ZNF700: variants seen among roughly 807,000 people sequenced by gnomAD.
ZNF700 encodes the protein zinc finger protein 700.
Under a neutral mutation model 65.3 loss-of-function variants are expected in ZNF700, and 38 were observed. That is an observed-to-expected ratio of 0.58 (90% CI 0.45 to 0.76). The LOEUF (loss-of-function observed/expected upper bound fraction) is 0.76, where lower values mean the gene tolerates loss of function less well. Ranked by LOEUF, ZNF700 falls within the 30% of genes least tolerant of loss-of-function variation. The pLI, the probability that ZNF700 is intolerant of heterozygous loss-of-function variation, is 0.00. For synonymous variants in ZNF700, 285 were observed against 290.4 expected, an observed-to-expected ratio of 0.98 and a Z score of 0.19; for missense variants, 857 against 888.4, an observed-to-expected ratio of 0.96 and a Z score of 0.45.
In ZNF700 at chr19:11,947,907, C is replaced by T. The variant is rs114887801; in HGVS notation, c.251+333C>T. ...TCGGTAGTCCCAGCTACTCAGGAGG[C>T]GAAGGCAGGAGGATCACTCGAGACT... On this transcript the variant is annotated intron_variant, in intron 3 of 3. Transcript: ENST00000254321. Among the ~76,000 whole-genome samples the T allele has an allele frequency of 3.1e-3, 477 of 152,090 alleles. 2 individuals carry two copies. The highest frequency in any genetic ancestry group is 0.011 in the African/African-American group (451 of 41,460).
At position 11,948,691 on chromosome 19, in the gene ZNF700, A is replaced by C; in HGVS notation, c.667A>C (p.Lys223Gln). ...AATGCACAGTGGGGATGGAACTTAT[A>C]AATGTAAATTTTGTGGGAAAGCCTT... ...MVMHSGDGTY[K>Q]CKFCGKAFHS... The change falls in exon 4 of 4, where the codon AAA (lysine) becomes CAA (glutamine). Residue 223 changes from lysine (K) to glutamine (Q), a missense_variant. Physicochemically the swap from Lys to Gln is moderately conservative, Grantham distance 53. Coordinates refer to ENST00000254321, the MANE Select transcript of ZNF700 (RefSeq NM_144566.3). The C allele has an allele frequency of 6.2e-7, 1 of 1,612,238 alleles. No individual in the cohort carries two copies. Among genetic ancestry groups the C allele is most frequent in the Non-Finnish European group, 8.5e-7 (1 of 1,179,626 alleles).
intron 1 of ZNF700, 178 bp from the exon 2 acceptor site, chr19:11,947,003 T>A (rs1972969983): frequency 1.8e-6 from 2 of 1,134,556 alleles, no homozygotes; most frequent in South Asian, 4.2e-5. Flanking sequence ...AATAAATAAA[T>A]AAATAAATTG....
chr19:11,928,683 G>A (rs1972670188), intron 1 of ZNF700, among the ~76,000 whole-genome samples: 1 of 138,104 alleles, frequency 7.2e-6, no homozygotes, highest in Non-Finnish European at 1.5e-5. Flanking sequence ...AGTGAGCCGA[G>A]ATCCCGCCAC....
intron 1 of ZNF700, among the ~76,000 whole-genome samples, chr19:11,940,669 G>A (rs2145290056): frequency 6.6e-6 from 1 of 152,222 alleles, no homozygotes; most frequent in African/African-American, 2.4e-5. Context: ...GTGTGGAAGG[G>A]GACCCGAGTG....
At chr19:11,941,373 C>T (rs992391543) in intron 1 of ZNF700, among the ~76,000 whole-genome samples, 15 of 152,308 alleles carry the variant, frequency 9.8e-5, no homozygotes, top group Admixed American at 2.0e-4. Flanking sequence ...AGGCTCGGGC[C>T]GCACAGGAGC....
intron 1 of ZNF700, 65 bp downstream of exon 1, chr19:11,925,338 C>G (rs541497438): frequency 6.3e-7 from 1 of 1,595,070 alleles, no homozygotes; most frequent in African/African-American, 1.3e-5. Context: ...CGGGAACCGG[C>G]TGTGGCGGGA....
intron 1 of ZNF700, among the ~76,000 whole-genome samples, chr19:11,932,117 T>C (rs1972722620): frequency 2.1e-5 from 3 of 146,186 alleles, no homozygotes; most frequent in Admixed American, 6.7e-5. Context: ...GAGTGAAACT[T>C]TGTCTCAAAA....
chr19:11,926,904 T>A (rs183590200), intron 1 of ZNF700, among the ~76,000 whole-genome samples: 1 of 152,232 alleles, frequency 6.6e-6, no homozygotes, highest in African/African-American at 2.4e-5. Context: ...ACACAGACTC[T>A]AGGGAAATAG....
At chr19:11,941,484 C>G (rs1013668260) in intron 1 of ZNF700, among the ~76,000 whole-genome samples, 1 of 152,220 alleles carries the variant, frequency 6.6e-6, no homozygotes, top group South Asian at 2.1e-4. Flanking sequence ...AGCGCAGCAC[C>G]GGTGGGCTGG....
chr19:11,938,632 A>C (rs1972834260), intron 1 of ZNF700, among the ~76,000 whole-genome samples: 1 of 152,178 alleles, frequency 6.6e-6, no homozygotes, highest in Non-Finnish European at 1.5e-5. Flanking sequence ...CTAGCCTATG[A>C]CATCTGGGTT....
At chr19:11,932,082 C>T (rs1339001104) in intron 1 of ZNF700, among the ~76,000 whole-genome samples, 1 of 146,506 alleles carries the variant, frequency 6.8e-6, no homozygotes, top group East Asian at 1.9e-4. Flanking sequence ...AAGATCGTGC[C>T]ATTGCACTTC....
At position 11,925,794 on chromosome 19, in the gene ZNF700, G is replaced by A. The variant is rs1217347961; in HGVS notation, c.63+521G>A. On this transcript the variant is annotated intron_variant, in intron 1 of 3. Transcript: ENST00000254321. ...AAAAAGCCAAACTATGTAAAATAAAGAAGTTTATTCAGAGCCGAATAGGAG... is the reference window on the plus strand; with the variant it reads ...AAAAAGCCAAACTATGTAAAATAAAAAAGTTTATTCAGAGCCGAATAGGAG... Among the ~76,000 whole-genome samples, 6 of 152,326 alleles carry A rather than the reference G, an allele frequency of 3.9e-5. No individual in the cohort carries two copies. The South Asian group carries it at 1.0e-3, about 26-fold the overall frequency.
chr19:11,941,821 C>T (rs1427217710), intron 1 of ZNF700, among the ~76,000 whole-genome samples: 2 of 152,182 alleles, frequency 1.3e-5, no homozygotes, highest in Non-Finnish European at 2.9e-5. Context: ...CAAGAGCGAG[C>T]GAGGGCTGTG....
At chr19:11,928,694 T>A (rs1038929355) in intron 1 of ZNF700, among the ~76,000 whole-genome samples, 1 of 136,398 alleles carries the variant, frequency 7.3e-6, no homozygotes, top group East Asian at 2.1e-4. Flanking sequence ...ATCCCGCCAC[T>A]GCATTCCAGC....
intron 1 of ZNF700, among the ~76,000 whole-genome samples, chr19:11,932,728 C>T (rs1194592021): frequency 6.9e-6 from 1 of 145,202 alleles, no homozygotes; most frequent in Non-Finnish European, 1.5e-5. Context: ...AGCTCCGCCT[C>T]CCGGGTTCAC....
chr19:11,942,629 C>T (rs970628025), intron 1 of ZNF700, among the ~76,000 whole-genome samples: 5 of 152,158 alleles, frequency 3.3e-5, no homozygotes, highest in African/African-American at 1.2e-4. Context: ...ATGAAAGGAT[C>T]GTGATCAATT....
chr19:11,947,086 G>A (rs777674708), intron 1 of ZNF700, 95 bp from the exon 2 acceptor site: 117 of 1,521,268 alleles, frequency 7.7e-5, no homozygotes, highest in Non-Finnish European at 1.0e-4. Context: ...AATGTTTGGA[G>A]TCCACAGCAT....
At chr19:11,947,939 G>A (rs1972987772) in intron 3 of ZNF700, among the ~76,000 whole-genome samples, 1 of 152,210 alleles carries the variant, frequency 6.6e-6, no homozygotes, top group Non-Finnish European at 1.5e-5. Flanking sequence ...GACTTCAGGA[G>A]TTAAAGGCTG....
intron 1 of ZNF700, among the ~76,000 whole-genome samples, chr19:11,940,254 T>C (rs1217492642): frequency 6.6e-6 from 1 of 152,198 alleles, no homozygotes; most frequent in Non-Finnish European, 1.5e-5. Flanking sequence ...TAAGTATAAA[T>C]AATATTTCAA....
Sources: gnomAD v4.1 joint callset for allele counts (sites outside exome capture counted in the v4.1 genomes callset) on GRCh38, gnomAD v4.1.1 for gene constraint, MANE v1.5 for transcripts, NCBI Gene and HGNC (gene_info 2026-07-23, HGNC 2026-07-21) for gene names.